Variants in MRPS30 observed in about 807,000 individuals in gnomAD.
MRPS30 encodes mitochondrial ribosomal protein S30, also known as large ribosomal subunit protein mL65.
Under a neutral mutation model 43.8 loss-of-function variants are expected in MRPS30, and 42 were observed. The observed-to-expected ratio is 0.96, with a 90% CI of 0.75 to 1.24. MRPS30 has a LOEUF of 1.24. MRPS30 is among the 50% of genes most tolerant of loss of function. The pLI is 0.00. For missense variants in MRPS30, 638 were observed against 570.0 expected (o/e 1.12, Z -1.22); for synonymous variants, 273 against 228.2 (o/e 1.20, Z -1.77).
chr5:44,811,221 T>C, intron 2 of MRPS30, 67 bp downstream of exon 2: 1 of 1,540,832 alleles, frequency 6.5e-7, no homozygotes, highest in Non-Finnish European at 8.9e-7. Context: ...GCAGGTTGAG[T>C]AATAGTCTTA....
chr5:44,811,902 CT>C lies in MRPS30; in HGVS notation c.748-8del, dbSNP rs779101240. 2.1e-6 allele frequency: 3 copies of C among 1,450,540 alleles called. No homozygotes were observed. The highest frequency in any genetic ancestry group is 2.7e-5 in the South Asian group (2 of 75,268). 89.9% of individuals were successfully genotyped at this position (1,450,540 alleles called of 1,614,324 possible). A position where few individuals can be genotyped will look rare whatever the true frequency, so the allele number is the denominator to read the frequency against. On this transcript the variant is annotated splice_polypyrimidine_tract_variant and intron_variant, in intron 2 of 4. Coordinates refer to ENST00000507110, the MANE Select transcript of MRPS30 (RefSeq NM_016640.4). ...TTGCTGTGAATTTAGTATGTCTTTT[CT>C]TTTTCTTTAAGTTTGTGCCATTGGA...
In MRPS30 at chr5:44,815,228, G is replaced by A. The variant is rs1742901404; in HGVS notation, c.*26G>A. The A allele has an allele frequency of 3.3e-6, 5 of 1,524,464 alleles. No individual in the cohort carries two copies. Among genetic ancestry groups the A allele is most frequent in the Non-Finnish European group, 8.8e-7 (1 of 1,141,666 alleles). The allele number at this position is 1,524,464 out of a possible 1,614,324, so 94.4% of individuals were successfully genotyped here. On this transcript the variant is annotated 3_prime_UTR_variant, in exon 5 of 5. Coordinates refer to ENST00000507110, the MANE Select transcript of MRPS30 (RefSeq NM_016640.4). ...AAAAGCATATTTGATTGAGAACTGTGGGAATATTTAAATTTTACTGAAGGA... is the reference window on the plus strand; with the variant it reads ...AAAAGCATATTTGATTGAGAACTGTAGGAATATTTAAATTTTACTGAAGGA...
rs371769536 is a variant in MRPS30 at position 44,809,395 on chromosome 5, G to A, written c.433G>A (p.Val145Ile). 11 of 1,610,536 alleles carry A rather than the reference G, an allele frequency of 6.8e-6. No individual in the cohort carries two copies. In the Middle Eastern group the frequency reaches 6.6e-4, roughly 97 times the overall value. ...PALDLAALRAVACDCLLQEHF... is the reference protein window; with the variant it reads ...PALDLAALRAIACDCLLQEHF... ...GCTGGACCTCGCGGCGCTGCGTGCGGTCGCCTGCGACTGCCTGCTGCAGGA... is the reference window on the plus strand; with the variant it reads ...GCTGGACCTCGCGGCGCTGCGTGCGATCGCCTGCGACTGCCTGCTGCAGGA... Residue 145 changes from valine (V) to isoleucine (I), a missense_variant, in exon 1 of 5, where the codon GTC becomes ATC. Coordinates refer to ENST00000507110, the MANE Select transcript of MRPS30 (RefSeq NM_016640.4).
Position 44,809,125 on chromosome 5 carries a change from A to G in MRPS30, c.163A>G (p.Ser55Gly), listed in dbSNP as rs779649619. ...GATTGTGGCCTCCATGACAGCCGAC[A>G]GCAAAGCTGCACGGCTGCGGCGGAT... is the stretch of plus-strand genomic sequence containing the variant. ...PPIVASMTAD[S>G]KAARLRRIER... The change falls in exon 1 of 5, where the codon AGC becomes GGC. Residue 55 changes from serine (S) to glycine (G), a missense_variant. Coordinates refer to ENST00000507110, the MANE Select transcript of MRPS30 (RefSeq NM_016640.4). The G allele has an allele frequency of 1.9e-6, 3 of 1,612,106 alleles. No homozygotes were observed. Among genetic ancestry groups the G allele is most frequent in the East Asian group, 2.2e-5 (1 of 44,852 alleles).
chr5:44,809,563 G>T lies in MRPS30; in HGVS notation c.601G>T (p.Asp201Tyr), dbSNP rs757898081. 1.3e-6 allele frequency: 2 copies of T among 1,589,820 alleles called. No individual in the cohort carries two copies. Among genetic ancestry groups the T allele is most frequent in the South Asian group, 1.2e-5 (1 of 86,898 alleles). Reference protein sequence around the residue: ...HNPALAAAALDYRCPVHFYWV... With the variant: ...HNPALAAAALYYRCPVHFYWV... ...CCCGGCCCTGGCCGCTGCCGCCCTC[G>T]GTGAGCCTTGGATTCCGCCCCAGGG... Residue 201 changes from aspartate (D) to tyrosine (Y), a missense_variant and splice_region_variant, in exon 1 of 5, where the codon GAT becomes TAT. Transcript: ENST00000507110.
At chr5:44,813,371 A>T in intron 4 of MRPS30, 89 bp downstream of exon 4, 1 of 1,135,350 alleles carries the variant, frequency 8.8e-7, no homozygotes, top group Non-Finnish European at 1.2e-6. Flanking sequence ...GGGTTAAAAC[A>T]TAGGTTGAAT....
At chr5:44,810,871 A>C in intron 1 of MRPS30, 138 bp from the exon 2 acceptor site, 1 of 692,162 alleles carries the variant, frequency 1.4e-6, no homozygotes, top group Non-Finnish European at 2.3e-6. Context: ...ATAATAGTTA[A>C]ATTACCACAT....
chr5:44,813,878 A>T (rs1742880026), intron 4 of MRPS30, among the ~76,000 whole-genome samples: 1 of 152,194 alleles, frequency 6.6e-6, no homozygotes, highest in African/African-American at 2.4e-5. Flanking sequence ...TAGCCTAAAG[A>T]GTAGAATGAT....
In MRPS30 at chr5:44,811,097, A is replaced by G. The variant is rs745722567; in HGVS notation, c.690A>G (p.Arg230=). The change falls in exon 2 of 5, where the codon CGA becomes CGG. Residue 230 remains arginine, a synonymous_variant. Coordinates refer to ENST00000507110, the MANE Select transcript of MRPS30 (RefSeq NM_016640.4). The stretch of plus-strand genomic sequence containing the variant: ...GAAGAGGTCGAATTGATGACTTGCG[A>G]TACCAGATAGATGATAAACCAAACA... ...GHRRGRIDDL[R]YQIDDKPNNQ... 3.7e-6 allele frequency: 6 copies of G among 1,614,110 alleles called. No homozygotes were observed. In the South Asian group the frequency reaches 4.4e-5, roughly 12 times the overall value.
rs1307282758 is a variant in MRPS30, at chr5:44,813,099, T to G, written c.854-7T>G. On this transcript the variant is annotated splice_region_variant and splice_polypyrimidine_tract_variant and intron_variant, in intron 3 of 4. Coordinates refer to ENST00000507110, the MANE Select transcript of MRPS30 (RefSeq NM_016640.4). ...TTCATCTGAAATGTTTTTATTTTGC[T>G]CTTCAGGCTCAAAAACTGCAGATCC... 1 of 1,608,522 alleles carries G rather than the reference T, an allele frequency of 6.2e-7. No homozygotes were observed.
At chr5:44,813,647 A>G (rs1045071831) in intron 4 of MRPS30, 2 of 161,448 alleles carry the variant, frequency 1.2e-5, no homozygotes, top group Non-Finnish European at 2.7e-5. Flanking sequence ...ATCCTATATA[A>G]TTTCTTTAAA....
rs776896226 is a variant in MRPS30, at chr5:44,809,218, A to C, written c.256A>C (p.Met86Leu). 6.2e-7 allele frequency: 1 copy of C among 1,613,590 alleles called. No individual in the cohort carries two copies. The highest frequency in any genetic ancestry group is 2.2e-5 in the East Asian group (1 of 44,866). Residue 86 changes from methionine (M) to leucine (L), a missense_variant, in exon 1 of 5, where the codon ATG (methionine) becomes CTG (leucine). Transcript: ENST00000507110. Reference sequence around the variant, plus strand: ...CGAGAAGCTGCGAATCCTCACCAAGATGCAGTTTATGAAGTACATGGTTTA... The same window carrying C: ...CGAGAAGCTGCGAATCCTCACCAAGCTGCAGTTTATGAAGTACATGGTTTA... The part of the protein sequence containing the change: ...VDEKLRILTK[M>L]QFMKYMVYPQ...
chr5:44,809,008 C>T lies in MRPS30; in HGVS notation c.46C>T (p.Leu16Phe). Residue 16 changes from leucine (L) to phenylalanine (F), a missense_variant, in exon 1 of 5, where the codon CTT (leucine) becomes TTT (phenylalanine). By Grantham distance (22) the Leu-to-Phe change is conservative. Coordinates refer to ENST00000507110, the MANE Select transcript of MRPS30 (RefSeq NM_016640.4). ...CWRPLLRGPR[L>F]SLHTAANAAA... ...GAGGCCTTTGCTACGCGGTCCGAGG[C>T]TTTCATTGCACACCGCGGCTAATGC... 1.2e-6 allele frequency: 2 copies of T among 1,609,682 alleles called. No individual in the cohort carries two copies. Among genetic ancestry groups the T allele is most frequent in the Non-Finnish European group, 1.7e-6 (2 of 1,178,602 alleles).
At chr5:44,810,946 C>T in intron 1 of MRPS30, 63 bp from the exon 2 acceptor site, 5 of 1,468,222 alleles carry the variant, frequency 3.4e-6, no homozygotes, top group Non-Finnish European at 4.7e-6. Context: ...CTTTAGTGTT[C>T]TAATAGTAAC....
chr5:44,811,041 C>T lies in MRPS30; in HGVS notation c.634C>T (p.Arg212Cys), dbSNP rs534375825. Residue 212 changes from arginine (R) to cysteine (C), a missense_variant, in exon 2 of 5, where the codon CGT becomes TGT. Arg to Cys is a radical substitution (Grantham distance 180). Coordinates refer to ENST00000507110, the MANE Select transcript of MRPS30 (RefSeq NM_016640.4). ...ATGCCCAGTTCATTTTTACTGGGTG[C>T]GTGGTGAAGAAATTATTCCTCGTGG... is the stretch of plus-strand genomic sequence containing the variant. Reference protein sequence around the residue: ...YRCPVHFYWVRGEEIIPRGHR... With the variant: ...YRCPVHFYWVCGEEIIPRGHR... The T allele has an allele frequency of 9.3e-6, 15 of 1,613,664 alleles. No homozygotes were observed. The East Asian group carries it at 1.8e-4, about 19-fold the overall frequency.
In MRPS30 at chr5:44,814,880, A is replaced by G. The variant is rs756304807; in HGVS notation, c.1031-33A>G. 21 of 1,555,092 alleles carry G rather than the reference A, an allele frequency of 1.4e-5. No individual in the cohort carries two copies. In the East Asian group the frequency reaches 4.3e-4, roughly 32 times the overall value. On this transcript the variant is annotated intron_variant, in intron 4 of 4. Coordinates refer to ENST00000507110, the MANE Select transcript of MRPS30 (RefSeq NM_016640.4). ...GTTTTGTTTGGGTAAGATATATTCT[A>G]TGTGTAAATTTCAGCATAACTTTCT...
At chr5:44,814,890 T>C in intron 4 of MRPS30, 23 bp from the exon 5 acceptor site, 4 of 1,574,992 alleles carry the variant, frequency 2.5e-6, no homozygotes, top group Non-Finnish European at 3.4e-6. Flanking sequence ...ATGTGTAAAT[T>C]TCAGCATAAC....
At chr5:44,811,260 T>G in intron 2 of MRPS30, 106 bp downstream of exon 2, 142 of 1,316,040 alleles carry the variant, frequency 1.1e-4, no homozygotes, top group Middle Eastern at 2.2e-4. Context: ...GGTGGATCTC[T>G]TGCCTTTCAA....
chr5:44,809,668 C>T (rs1276158147), intron 1 of MRPS30, 105 bp downstream of exon 1: 1 of 1,273,118 alleles, frequency 7.9e-7, no homozygotes, highest in African/African-American at 1.5e-5. Flanking sequence ...CTGCTTCGTT[C>T]ATGTTTTCCT....
Sources: gnomAD v4.1 joint callset for allele counts (sites outside exome capture counted in the v4.1 genomes callset) on GRCh38, gnomAD v4.1.1 for gene constraint, MANE v1.5 for transcripts, NCBI Gene and HGNC (gene_info 2026-07-23, HGNC 2026-07-21) for gene names.